The following SCN10A variants were observed in gnomAD, a reference collection of about 807,000 sequenced individuals.
The protein encoded by SCN10A is sodium channel protein type 10 subunit alpha.
SCN10A carries 162 observed loss-of-function variants against 170.7 expected under a neutral mutation model. The ratio of observed to expected loss-of-function variants is 0.95; its 90% CI spans 0.84 to 1.08. The LOEUF is 1.08. Among genes scored for constraint, SCN10A ranks in the 50% least tolerant of loss-of-function variants. The pLI is 0.00. For synonymous variants in SCN10A, 985 were observed against 904.6 expected (o/e 1.09, Z -1.59); for missense variants, 2,527 against 2,436.9 (o/e 1.04, Z -0.78).
chr3:38,802,077 T>C (rs2064374869), intron 1 of SCN10A, among the ~76,000 whole-genome samples: 1 of 152,298 alleles, frequency 6.6e-6, no homozygotes, highest in African/African-American at 2.4e-5. Context: ...TTTTCCAAGA[T>C]AGAAACTTAG....
intron 15 of SCN10A, among the ~76,000 whole-genome samples, chr3:38,735,169 C>CA (rs543574832): frequency 0.019 from 1,405 of 75,488 alleles, 39 homozygotes; most frequent in African/African-American, 0.053. Flanking sequence ...GACTCTGTCT[C>CA]AAAAAAAAAA....
At chr3:38,735,300 G>C (rs1158998639) in intron 15 of SCN10A, among the ~76,000 whole-genome samples, 1 of 151,528 alleles carries the variant, frequency 6.6e-6, no homozygotes, top group Non-Finnish European at 1.5e-5. Flanking sequence ...GACATTTCTA[G>C]ATACAAAAAT....
At chr3:38,772,431 T>G (rs2064014711) in intron 4 of SCN10A, among the ~76,000 whole-genome samples, 1 of 152,102 alleles carries the variant, frequency 6.6e-6, no homozygotes, top group Non-Finnish European at 1.5e-5. Flanking sequence ...GGCTCACGCC[T>G]GTAATCGCAG....
chr3:38,788,852 C>T, intron 4 of SCN10A, 104 bp downstream of exon 4: 1 of 722,694 alleles, frequency 1.4e-6, no homozygotes, highest in East Asian at 2.6e-5. Context: ...TTCAGCATTA[C>T]CCACATGAGG....
intron 1 of SCN10A, among the ~76,000 whole-genome samples, chr3:38,813,912 A>G (rs1247069887): frequency 6.6e-6 from 1 of 152,236 alleles, no homozygotes; most frequent in Non-Finnish European, 1.5e-5. Flanking sequence ...CATATGATCC[A>G]TGACACCAAG....
intron 13 of SCN10A, among the ~76,000 whole-genome samples, chr3:38,749,695 A>G (rs1437185166): frequency 1.3e-5 from 2 of 152,212 alleles, no homozygotes; most frequent in African/African-American, 4.8e-5. Context: ...AAACCATGAA[A>G]AGGATAATTT....
chr3:38,796,774 T>C (rs2064343723), intron 1 of SCN10A, among the ~76,000 whole-genome samples: 1 of 152,176 alleles, frequency 6.6e-6, no homozygotes, highest in Admixed American at 6.6e-5. Flanking sequence ...AGGATTCCTG[T>C]TTCATGTTCC....
intron 3 of SCN10A, among the ~76,000 whole-genome samples, chr3:38,789,741 G>A (rs1038688683): frequency 6.6e-6 from 1 of 152,070 alleles, no homozygotes; most frequent in African/African-American, 2.4e-5. Context: ...ATTGACAGCA[G>A]ACTATGGGCA....
chr3:38,716,630 T>C (rs540673857), intron 21 of SCN10A, among the ~76,000 whole-genome samples: 1 of 152,250 alleles, frequency 6.6e-6, no homozygotes, highest in Admixed American at 6.5e-5. Context: ...AAATATATTT[T>C]TTAAAATTTT....
intron 1 of SCN10A, among the ~76,000 whole-genome samples, chr3:38,813,902 C>T (rs2064455818): frequency 6.6e-6 from 1 of 152,200 alleles, no homozygotes; most frequent in South Asian, 2.1e-4. Context: ...ATCTTATTCC[C>T]ATATGATCCA....
rs369668580 is a variant in SCN10A, at chr3:38,755,746, C to G, written c.1461+42G>C. On this transcript the variant is annotated intron_variant, in intron 11 of 27. Coordinates refer to ENST00000449082, the MANE Select transcript of SCN10A (RefSeq NM_006514.4). ...TCCAACTCATTGTCTACGGCAGCTG[C>G]AATGGTGGGTAATCTTTAGAGCACA... 16 of 1,608,366 alleles carry G rather than the reference C, an allele frequency of 9.9e-6. No individual in the cohort carries two copies. The East Asian group carries it at 1.3e-4, about 13-fold the overall frequency.
chr3:38,811,475 T>A (rs182131090), intron 1 of SCN10A, among the ~76,000 whole-genome samples: 1 of 151,160 alleles, frequency 6.6e-6, no homozygotes, highest in Non-Finnish European at 1.5e-5. Flanking sequence ...AATAGAACTA[T>A]GAAGTAGTCA....
intron 13 of SCN10A, among the ~76,000 whole-genome samples, chr3:38,749,125 T>C (rs926798648): frequency 1.3e-4 from 20 of 152,366 alleles, no homozygotes; most frequent in African/African-American, 4.8e-4. Context: ...ACCTAGAAAG[T>C]AGGGCACACA....
rs56369288 is a variant in SCN10A at position 38,802,393 on chromosome 3, C to T, written c.-32-8351G>A. ...TATTCAGCCGTCTATTCATCACCTT[C>T]CACCCAGATGTCTGACAGAAGTATA... On this transcript the variant is annotated intron_variant, in intron 1 of 27. Transcript: ENST00000449082. Among the ~76,000 whole-genome samples the T allele has an allele frequency of 6.6e-3, 1,002 of 152,276 alleles. 15 individuals are homozygous for T. The highest frequency in any genetic ancestry group is 0.023 in the African/African-American group (938 of 41,548).
In SCN10A at chr3:38,707,295, G is replaced by A; in HGVS notation, c.4370C>T (p.Pro1457Leu). 1 of 1,614,010 alleles carries A rather than the reference G, an allele frequency of 6.2e-7. No homozygotes were observed. The highest frequency in any genetic ancestry group is 8.5e-7 in the Non-Finnish European group (1 of 1,179,988). The change falls in exon 26 of 28, where the codon CCC becomes CTC. Residue 1457 changes from proline (P) to leucine (L), a missense_variant. By Grantham distance (98) the Pro-to-Leu change is moderately conservative. Transcript: ENST00000449082. ...KKLGSKKPQK[P>L]IPRPLNKFQG... ...GGGGCTCACCAGGGGCCGTGGGATG[G>A]GCTTCTGGGGCTTCTTGGAGCCCAA...
At position 38,718,677 on chromosome 3, in the gene SCN10A, G is replaced by C; in HGVS notation, c.3657C>G (p.Cys1219Trp). The C allele has an allele frequency of 6.2e-7, 1 of 1,614,204 alleles. No individual in the cohort carries two copies. The highest frequency in any genetic ancestry group is 1.1e-5 in the South Asian group (1 of 91,082). ...GFKKYFTNAW[C>W]WLDFLIVNIS... ...CATTCACAATGAGGAAGTCCAGCCA[G>C]CACCAGGCATTGGTGAAGTACTTTT... The change falls in exon 21 of 28, where the codon TGC (cysteine) becomes TGG (tryptophan). Residue 1219 changes from cysteine to tryptophan, a missense_variant. Cys to Trp is a radical substitution (Grantham distance 215, BLOSUM62 -2). Coordinates refer to ENST00000449082, the MANE Select transcript of SCN10A (RefSeq NM_006514.4).
chr3:38,806,013 GA>G (rs1219523605), intron 1 of SCN10A, among the ~76,000 whole-genome samples: 1 of 152,168 alleles, frequency 6.6e-6, no homozygotes, highest in Non-Finnish European at 1.5e-5. Context: ...CCGTGGTACT[GA>G]ACAAGAGAGG....
chr3:38,756,121 C>G (rs1307691431), intron 10 of SCN10A, among the ~76,000 whole-genome samples, 163 bp from the exon 11 acceptor site: 1 of 152,138 alleles, frequency 6.6e-6, no homozygotes, highest in Non-Finnish European at 1.5e-5. Flanking sequence ...GAACAGACAC[C>G]TCGGGTCACC....
intron 26 of SCN10A, among the ~76,000 whole-genome samples, chr3:38,702,852 T>C (rs1035984931): frequency 1.4e-4 from 22 of 152,190 alleles, no homozygotes; most frequent in Admixed American, 2.6e-4. Flanking sequence ...ATCTGGTTAT[T>C]TTTATGGTGT....
Sources: allele counts gnomAD v4.1 joint callset (sites outside exome capture counted in the v4.1 genomes callset), GRCh38; gene constraint gnomAD v4.1.1; transcripts MANE v1.5; gene names NCBI Gene and HGNC (gene_info 2026-07-23, HGNC 2026-07-21).